APOBEC3F: variants seen among roughly 807,000 people sequenced by gnomAD.
The protein encoded by APOBEC3F is DNA dC->dU-editing enzyme APOBEC-3F.
In APOBEC3F, 34 loss-of-function variants were observed where a neutral mutation model predicts 45.8. The ratio of observed to expected loss-of-function variants is 0.74; its 90% CI spans 0.57 to 0.99. The LOEUF is 0.99. APOBEC3F is among the 50% of genes least tolerant of loss of function. APOBEC3F has a pLI of 0.00. For synonymous variants in APOBEC3F, 192 were observed against 174.4 expected (o/e 1.10, Z -0.80); for missense variants, 459 against 474.1 (o/e 0.97, Z 0.30).
rs1194435733 is a variant in APOBEC3F at position 39,054,698 on chromosome 22, T to A, written c.*2003T>A. ...GAACACCACCCGGACTGCGTGTATG[T>A]CCCAAATTACAATTCTTTCTTTGCA... On this transcript the variant is annotated 3_prime_UTR_variant, in exon 7 of 7. Transcript: ENST00000308521. Among the ~76,000 whole-genome samples the A allele has an allele frequency of 6.6e-6, 1 of 152,264 alleles. No homozygotes were observed. The highest frequency in any genetic ancestry group is 1.5e-5 in the Non-Finnish European group (1 of 68,044).
rs1436139181 is a variant in APOBEC3F at position 39,054,466 on chromosome 22, G to A, written c.*1771G>A. Among the ~76,000 whole-genome samples, 3 of 152,188 alleles carry A rather than the reference G, an allele frequency of 2.0e-5. No homozygotes were observed. The highest frequency in any genetic ancestry group is 4.8e-5 in the African/African-American group (2 of 41,516). ...AGGCTGGTCTTGAACTCCTGACCTCGTGATCCACCCGTCTCGGCCTCCCAA... is the reference window on the plus strand; with the variant it reads ...AGGCTGGTCTTGAACTCCTGACCTCATGATCCACCCGTCTCGGCCTCCCAA... On this transcript the variant is annotated 3_prime_UTR_variant, in exon 7 of 7. Transcript: ENST00000308521.
At position 39,052,769 on chromosome 22, in the gene APOBEC3F, G is replaced by C; in HGVS notation, c.*74G>C. The C allele has an allele frequency of 6.5e-7, 1 of 1,543,284 alleles. No individual in the cohort carries two copies. The highest frequency in any genetic ancestry group is 2.1e-5 in the Admixed American group (1 of 47,944). On this transcript the variant is annotated 3_prime_UTR_variant, in exon 7 of 7. Coordinates refer to ENST00000308521, the MANE Select transcript of APOBEC3F (RefSeq NM_145298.6). ...GTTGTGCAGGCCTCCCCTCCATCCTGGACCAGCTGTGCTTTTGCCTGGTCA... is the reference window on the plus strand; with the variant it reads ...GTTGTGCAGGCCTCCCCTCCATCCTCGACCAGCTGTGCTTTTGCCTGGTCA...
chr22:39,051,467 G>A (rs1418712281), intron 5 of APOBEC3F, among the ~76,000 whole-genome samples: 1 of 151,556 alleles, frequency 6.6e-6, no homozygotes, highest in Admixed American at 6.6e-5. Context: ...AACCCCGGAG[G>A]CGGAGCTTGC....
intron 4 of APOBEC3F, among the ~76,000 whole-genome samples, chr22:39,047,132 G>T (rs1029519557): frequency 7.2e-5 from 11 of 152,048 alleles, no homozygotes; most frequent in Admixed American, 7.2e-4. Flanking sequence ...GTGGGGGCAC[G>T]CATGGCATCC....
chr22:39,051,815 G>C (rs755175249), intron 5 of APOBEC3F, among the ~76,000 whole-genome samples: 1 of 152,160 alleles, frequency 6.6e-6, no homozygotes, highest in Non-Finnish European at 1.5e-5. Context: ...TTAGGCAGGC[G>C]TGGTGGCACG....
rs1927381196 is a variant in APOBEC3F, at chr22:39,049,506, C to G, written c.648C>G (p.Ser216Arg). 6.2e-7 allele frequency: 1 copy of G among 1,614,086 alleles called. No homozygotes were observed. The highest frequency in any genetic ancestry group is 8.5e-7 in the Non-Finnish European group (1 of 1,180,014). The change falls in exon 5 of 7, where the codon AGC (serine) becomes AGG (arginine). Residue 216 changes from serine to arginine, a missense_variant. Physicochemically the swap from Ser to Arg is moderately radical, Grantham distance 110. Transcript: ENST00000308521. ...GCAAAGCCTATGGTCGGAACGAAAGCTGGCTGTGCTTCACCATGGAAGTTG... is the reference window on the plus strand; with the variant it reads ...GCAAAGCCTATGGTCGGAACGAAAGGTGGCTGTGCTTCACCATGGAAGTTG... ...NLRKAYGRNE[S>R]WLCFTMEVVK...
At chr22:39,047,071 G>C (rs1927260160) in intron 4 of APOBEC3F, among the ~76,000 whole-genome samples, 1 of 152,184 alleles carries the variant, frequency 6.6e-6, no homozygotes, top group African/African-American at 2.4e-5. Flanking sequence ...CAAGAGCTCA[G>C]CCTGCCAGGG....
intron 5 of APOBEC3F, 47 bp downstream of exon 5, chr22:39,049,628 A>C: frequency 6.3e-7 from 1 of 1,599,698 alleles, no homozygotes; most frequent in East Asian, 2.2e-5. Context: ...CTAAGCAGCT[A>C]GGAATGCAGA....
intron 5 of APOBEC3F, among the ~76,000 whole-genome samples, chr22:39,051,247 A>G (rs886094220): frequency 7.3e-5 from 11 of 151,506 alleles, no homozygotes; most frequent in African/African-American, 2.7e-4. Context: ...TCAAAAAGAT[A>G]AAGAGGAACG....
chr22:39,052,013 C>G, intron 5 of APOBEC3F, 61 bp from the exon 6 acceptor site: 1 of 1,597,352 alleles, frequency 6.3e-7, no homozygotes, highest in Non-Finnish European at 8.6e-7. Flanking sequence ...CATCGCCCCA[C>G]CCCTGCACTC....
rs1927164393 is a variant in APOBEC3F, at chr22:39,045,418, T to C, written c.452-10T>C. ...GCAGAGCCTGACTGCTTCCTGCCTC[T>C]TCGTCTCAGAATTTGCATACTGCTG... On this transcript the variant is annotated splice_polypyrimidine_tract_variant and intron_variant, in intron 3 of 6. Transcript: ENST00000308521. 1.2e-6 allele frequency: 2 copies of C among 1,613,932 alleles called. No homozygotes were observed. The highest frequency in any genetic ancestry group is 1.7e-6 in the Non-Finnish European group (2 of 1,179,956).
chr22:39,051,494 G>A (rs1297368603), intron 5 of APOBEC3F, among the ~76,000 whole-genome samples: 4 of 148,822 alleles, frequency 2.7e-5, no homozygotes, highest in South Asian at 2.1e-4. Context: ...CGGAGATCGC[G>A]CCACTGCACT....
intron 4 of APOBEC3F, among the ~76,000 whole-genome samples, chr22:39,046,430 C>T (rs954518697): frequency 1.3e-5 from 2 of 152,030 alleles, no homozygotes. Flanking sequence ...GCGAGTCCTG[C>T]CCTGACTCTC....
Position 39,052,243 on chromosome 22 carries a change from A to C in APOBEC3F, c.893A>C (p.Asn298Thr). The change falls in exon 6 of 7, where the codon AAT (asparagine) becomes ACT (threonine). Residue 298 changes from asparagine (N) to threonine (T), a missense_variant. Transcript: ENST00000308521. ...TTCCTGGCCAGGCACAGCAACGTGA[A>C]TCTCACCATCTTCACCGCCCGCCTC... Reference protein sequence around the residue: ...AEFLARHSNVNLTIFTARLYY... With the variant: ...AEFLARHSNVTLTIFTARLYY... 4.3e-6 allele frequency: 7 copies of C among 1,614,194 alleles called. No homozygotes were observed. The highest frequency in any genetic ancestry group is 5.9e-6 in the Non-Finnish European group (7 of 1,180,024).
intron 1 of APOBEC3F, among the ~76,000 whole-genome samples, chr22:39,041,794 G>C (rs576694339): frequency 6.6e-6 from 1 of 151,968 alleles, no homozygotes; most frequent in South Asian, 2.1e-4. Flanking sequence ...CCCAGGAGGC[G>C]GAGGTTGCAG....
chr22:39,043,496 G>A (rs1927036296), intron 2 of APOBEC3F, among the ~76,000 whole-genome samples: 1 of 147,402 alleles, frequency 6.8e-6, no homozygotes. Flanking sequence ...TTTTAGTAGA[G>A]ACAGGATTTT....
rs1217092662 is a variant in APOBEC3F, at chr22:39,053,728, T to C, written c.*1033T>C. 1.3e-5 allele frequency: 2 copies of C among 152,186 alleles called. No homozygotes were observed. The highest frequency in any genetic ancestry group is 2.9e-5 in the Non-Finnish European group (2 of 68,022). The allele number at this position is 152,186 out of a possible 1,614,324, so 9.4% of individuals were successfully genotyped here. A position where few individuals can be genotyped will look rare whatever the true frequency, so the allele number is the denominator to read the frequency against. On this transcript the variant is annotated 3_prime_UTR_variant, in exon 7 of 7. Coordinates refer to ENST00000308521, the MANE Select transcript of APOBEC3F (RefSeq NM_145298.6). ...CCTTTGTTAACTTTCATCCTACAAA[T>C]TGGGTCATTCATGTCCTACGCAGCT... is the stretch of plus-strand genomic sequence containing the variant.
chr22:39,051,082 C>A (rs1189689288), intron 5 of APOBEC3F, among the ~76,000 whole-genome samples: 1 of 151,860 alleles, frequency 6.6e-6, no homozygotes, highest in Non-Finnish European at 1.5e-5. Flanking sequence ...ACTAAAACTA[C>A]AAAAATTAGC....
intron 2 of APOBEC3F, among the ~76,000 whole-genome samples, chr22:39,043,467 AT>A (rs542976503): frequency 9.6e-4 from 133 of 139,016 alleles, no homozygotes; most frequent in African/African-American, 8.5e-4. Context: ...CGCCCAGCTA[AT>A]TTTTTTTTTT....
Sources: allele counts gnomAD v4.1 joint callset (sites outside exome capture counted in the v4.1 genomes callset), GRCh38; gene constraint gnomAD v4.1.1; transcripts MANE v1.5; gene names NCBI Gene and HGNC (gene_info 2026-07-23, HGNC 2026-07-21).